The following PTPRD variants were observed in gnomAD, a reference collection of about 807,000 sequenced individuals.
PTPRD encodes the protein receptor-type tyrosine-protein phosphatase delta.
PTPRD carries 34 observed loss-of-function variants against 214.5 expected under a neutral mutation model. The observed-to-expected ratio is 0.16, with a 90% CI of 0.12 to 0.21. The LOEUF is 0.21. Among genes scored for constraint, PTPRD ranks in the 10% least tolerant of loss-of-function variants. PTPRD has a pLI of 1.00. For synonymous variants in PTPRD, 1,128 were observed against 845.7 expected (o/e 1.33, Z -5.79); for missense variants, 2,545 against 2,398.7 (o/e 1.06, Z -1.27).
intron 3 of PTPRD, among the ~76,000 whole-genome samples, chr9:10,239,047 T>C (rs1202180978): frequency 6.6e-6 from 1 of 151,950 alleles, no homozygotes; most frequent in Non-Finnish European, 1.5e-5. Context: ...AAAGAATCTG[T>C]TTGGAGTAAT....
At chr9:10,362,175 A>G (rs1206370393) in intron 2 of PTPRD, among the ~76,000 whole-genome samples, 3 of 152,132 alleles carry the variant, frequency 2.0e-5, no homozygotes, top group African/African-American at 7.2e-5. Context: ...CTCAACAATC[A>G]TACTCAGAAA....
rs528759804 is a variant in PTPRD, at chr9:10,518,679, C to G, written c.-600+93719G>C. ...TCCCAAGTAGCTGGGACTACAGGCG[C>G]CCGCCACCACACCCGGCTAATTTTT... On this transcript the variant is annotated intron_variant, in intron 2 of 45. Coordinates refer to ENST00000381196, the MANE Select transcript of PTPRD (RefSeq NM_002839.4). Among the ~76,000 whole-genome samples, 14 of 151,994 alleles carry G rather than the reference C, an allele frequency of 9.2e-5. No individual in the cohort carries two copies. In the South Asian group the frequency reaches 2.9e-3, roughly 32 times the overall value.
chr9:8,564,017 T>G (rs910617207), intron 14 of PTPRD, among the ~76,000 whole-genome samples: 1 of 152,126 alleles, frequency 6.6e-6, no homozygotes, highest in African/African-American at 2.4e-5. Flanking sequence ...ACATATTGAG[T>G]AGAAACTACA....
chr9:9,867,512 A>G (rs1467394307), intron 5 of PTPRD, among the ~76,000 whole-genome samples: 3 of 152,142 alleles, frequency 2.0e-5, no homozygotes, highest in African/African-American at 7.2e-5. Flanking sequence ...AATAATATTA[A>G]TAAAGGAAGA....
intron 36 of PTPRD, among the ~76,000 whole-genome samples, chr9:8,395,632 AT>A (rs5896244): frequency 0.078 from 11,692 of 149,888 alleles, 513 homozygotes; most frequent in Non-Finnish European, 0.099. Context: ...AACACATAGA[AT>A]TTTTTTTTTT....
chr9:9,804,594 T>C (rs2153520285), intron 5 of PTPRD, among the ~76,000 whole-genome samples: 1 of 152,192 alleles, frequency 6.6e-6, no homozygotes, highest in East Asian at 1.9e-4. Context: ...ACCTAGTAGG[T>C]GTTGAATAAA....
At chr9:9,040,416 G>C (rs148487248) in intron 10 of PTPRD, among the ~76,000 whole-genome samples, 33 of 152,264 alleles carry the variant, frequency 2.2e-4, no homozygotes, top group Non-Finnish European at 3.2e-4. Context: ...AATTAAGTTA[G>C]AAAATCCTAG....
intron 11 of PTPRD, among the ~76,000 whole-genome samples, chr9:8,751,757 G>C (rs1326613513): frequency 6.6e-6 from 1 of 152,126 alleles, no homozygotes; most frequent in African/African-American, 2.4e-5. Context: ...TAACTCCTCA[G>C]TGTTTCTTAT....
intron 10 of PTPRD, among the ~76,000 whole-genome samples, chr9:9,170,723 A>G (rs1234322184): frequency 6.6e-6 from 1 of 152,236 alleles, no homozygotes; most frequent in Non-Finnish European, 1.5e-5. Flanking sequence ...GAATGCACTA[A>G]ATATAATTAA....
intron 2 of PTPRD, among the ~76,000 whole-genome samples, chr9:10,435,031 G>A (rs1293311360): frequency 3.3e-5 from 5 of 151,818 alleles, no homozygotes; most frequent in Non-Finnish European, 7.4e-5. Flanking sequence ...ACTAAACTGC[G>A]AATTTTTCAA....
rs535657120 is a variant in PTPRD at position 8,997,598 on chromosome 9, T to G, written c.-104+21099A>C. On this transcript the variant is annotated intron_variant, in intron 11 of 45. Transcript: ENST00000381196. ...CCTCTTCTTGCACCTCCCTGTTCGC[T>G]GAAACACAACAATATTGAAATTATG... is the stretch of plus-strand genomic sequence containing the variant. Among the ~76,000 whole-genome samples, 49 of 152,160 alleles carry G rather than the reference T, an allele frequency of 3.2e-4. 1 individual carries two copies. Among genetic ancestry groups the G allele is most frequent in the African/African-American group, 1.1e-3 (45 of 41,536 alleles).
chr9:9,928,067 T>G (rs1315701231), intron 5 of PTPRD, among the ~76,000 whole-genome samples: 1 of 152,184 alleles, frequency 6.6e-6, no homozygotes. Context: ...TCTGATCATT[T>G]TCAATATTTT....
At position 8,626,757 on chromosome 9, in the gene PTPRD, C is replaced by T. The variant is rs541040924; in HGVS notation, c.352+6560G>A. 5.9e-5 allele frequency among the ~76,000 whole-genome samples: 9 copies of T among 151,750 alleles called. 1 individual carries two copies. Among genetic ancestry groups the T allele is most frequent in the Admixed American group, 3.9e-4 (6 of 15,194 alleles). On this transcript the variant is annotated intron_variant, in intron 14 of 45. Coordinates refer to ENST00000381196, the MANE Select transcript of PTPRD (RefSeq NM_002839.4). ...TGCCTTTGGACCCAATCTGAAACAT[C>T]AGCTCTTCCTAGGTCTTCAGCTTGC...
intron 26 of PTPRD, among the ~76,000 whole-genome samples, chr9:8,494,724 G>C (rs1377699556): frequency 1.3e-5 from 2 of 152,182 alleles, no homozygotes; most frequent in Non-Finnish European, 2.9e-5. Flanking sequence ...GGTTGTTAGA[G>C]GATAACAGAC....
chr9:10,337,970 T>A (rs1328211126), intron 3 of PTPRD, among the ~76,000 whole-genome samples: 1 of 151,694 alleles, frequency 6.6e-6, no homozygotes, highest in East Asian at 1.9e-4. Flanking sequence ...AATATAAAAT[T>A]TTTTTTAAAT....
intron 3 of PTPRD, among the ~76,000 whole-genome samples, chr9:10,208,745 G>T (rs371856334): frequency 2.6e-5 from 4 of 152,120 alleles, no homozygotes; most frequent in Non-Finnish European, 5.9e-5. Flanking sequence ...TTTATTGCTA[G>T]AAATAAGTAG....
At chr9:9,940,637 A>G (rs551378925) in intron 4 of PTPRD, among the ~76,000 whole-genome samples, 192 of 152,290 alleles carry the variant, frequency 1.3e-3, no homozygotes, top group Non-Finnish European at 2.3e-3. Flanking sequence ...AGGCTATAAT[A>G]TTAACAAAAG....
At chr9:9,964,836 C>G (rs10121931) in intron 4 of PTPRD, among the ~76,000 whole-genome samples, 324 of 152,156 alleles carry the variant, frequency 2.1e-3, no homozygotes, top group African/African-American at 7.5e-3. Context: ...AATTTGTATG[C>G]TTTCTGTTTC....
At chr9:9,129,551 T>C (rs964069439) in intron 10 of PTPRD, among the ~76,000 whole-genome samples, 3 of 152,198 alleles carry the variant, frequency 2.0e-5, no homozygotes, top group Admixed American at 1.3e-4. Flanking sequence ...TGACAGCTGA[T>C]ACATCGTTCA....
Sources: allele counts gnomAD v4.1 joint callset (sites outside exome capture counted in the v4.1 genomes callset), GRCh38; gene constraint gnomAD v4.1.1; transcripts MANE v1.5; gene names NCBI Gene and HGNC (gene_info 2026-07-23, HGNC 2026-07-21).